The following NSMCE2 variants were observed in gnomAD, a reference collection of about 807,000 sequenced individuals.
NSMCE2 encodes the protein E3 SUMO-protein ligase NSE2.
A neutral mutation model predicts 23.8 loss-of-function variants in NSMCE2; 24 were observed. That is an observed-to-expected ratio of 1.01 (90% CI 0.73 to 1.42). The LOEUF (loss-of-function observed/expected upper bound fraction) is 1.42, where lower values mean the gene tolerates loss of function less well. Among genes scored for constraint, NSMCE2 ranks in the 40% most tolerant of loss-of-function variants. The probability of loss-of-function intolerance (pLI) is 0.00; values close to 1 mark genes in which losing one functional copy is unlikely to be tolerated. For synonymous variants in NSMCE2, 92 were observed against 94.1 expected (o/e 0.98, Z 0.13); for missense variants, 284 against 296.5 (o/e 0.96, Z 0.31).
At chr8:125,272,812 C>A (rs534217437) in intron 5 of NSMCE2, among the ~76,000 whole-genome samples, 2 of 130,326 alleles carry the variant, frequency 1.5e-5, no homozygotes, top group African/African-American at 6.2e-5. Flanking sequence ...TATACACACA[C>A]GTATATATAT....
chr8:125,217,202 G>C (rs1824627444), intron 5 of NSMCE2, among the ~76,000 whole-genome samples: 1 of 152,070 alleles, frequency 6.6e-6, no homozygotes, highest in Admixed American at 6.6e-5. Context: ...GAAAGATCCT[G>C]TCTATTACAT....
chr8:125,344,572 G>A (rs548140961), intron 5 of NSMCE2, among the ~76,000 whole-genome samples: 26 of 151,890 alleles, frequency 1.7e-4, no homozygotes, highest in African/African-American at 5.8e-4. Context: ...GTGAAACCCC[G>A]TCTCTACCAA....
At chr8:125,209,503 A>G (rs193217457) in intron 5 of NSMCE2, among the ~76,000 whole-genome samples, 4 of 152,336 alleles carry the variant, frequency 2.6e-5, no homozygotes, top group Admixed American at 2.6e-4. Context: ...TATTTTATTT[A>G]GTGCTAATTG....
intron 1 of NSMCE2, among the ~76,000 whole-genome samples, chr8:125,096,541 G>GT (rs113915534): frequency 0.016 from 1,433 of 88,946 alleles, 25 homozygotes; most frequent in African/African-American, 0.046. Flanking sequence ...AGTGTTATTT[G>GT]TTTTTTTTTT....
At chr8:125,186,446 C>A (rs1823109383) in intron 5 of NSMCE2, among the ~76,000 whole-genome samples, 1 of 152,076 alleles carries the variant, frequency 6.6e-6, no homozygotes, top group South Asian at 2.1e-4. Context: ...GTCTCAAGTA[C>A]ATTCAGAACA....
At chr8:125,107,017 A>C (rs187847259) in intron 3 of NSMCE2, among the ~76,000 whole-genome samples, 3 of 152,078 alleles carry the variant, frequency 2.0e-5, no homozygotes, top group African/African-American at 7.2e-5. Context: ...AACAAAAAAA[A>C]ACTTTCATTT....
At chr8:125,123,046 A>T (rs542522455) in intron 3 of NSMCE2, among the ~76,000 whole-genome samples, 64 of 152,334 alleles carry the variant, frequency 4.2e-4, no homozygotes, top group African/African-American at 1.5e-3. Flanking sequence ...ATGGGTTAAA[A>T]TTTCATAAAA....
At chr8:125,360,084 G>C (rs1281861098) in intron 7 of NSMCE2, among the ~76,000 whole-genome samples, 1 of 152,178 alleles carries the variant, frequency 6.6e-6, no homozygotes, top group Non-Finnish European at 1.5e-5. Context: ...GAAGCAGCGA[G>C]GGGTGGCTGA....
intron 3 of NSMCE2, among the ~76,000 whole-genome samples, chr8:125,116,340 A>G (rs773347909): frequency 6.6e-6 from 1 of 152,254 alleles, no homozygotes; most frequent in Non-Finnish European, 1.5e-5. Flanking sequence ...CTTCAGTGCA[A>G]TGACAATGAC....
chr8:125,363,129 C>A (rs892098792), intron 7 of NSMCE2: 1 of 152,156 alleles, frequency 6.6e-6, no homozygotes, highest in African/African-American at 2.4e-5. Context: ...TCATGGAAGC[C>A]AAAGTTATGA....
At chr8:125,359,552 C>CA in intron 7 of NSMCE2, among the ~76,000 whole-genome samples, 1 of 151,948 alleles carries the variant, frequency 6.6e-6, no homozygotes, top group Non-Finnish European at 1.5e-5. Flanking sequence ...AGGCTGGTCT[C>CA]AAACTCCCGA....
intron 3 of NSMCE2, among the ~76,000 whole-genome samples, chr8:125,115,431 T>C (rs1818957748): frequency 6.6e-6 from 1 of 152,224 alleles, no homozygotes; most frequent in South Asian, 2.1e-4. Context: ...GATTTATGTC[T>C]TGGAAATATG....
intron 4 of NSMCE2, among the ~76,000 whole-genome samples, chr8:125,171,905 A>G (rs1260739835): frequency 2.0e-5 from 3 of 152,206 alleles, no homozygotes; most frequent in Non-Finnish European, 2.9e-5. Context: ...CCACATGCAG[A>G]GAGAGCTCTT....
chr8:125,096,897 A>G (rs1586415633), intron 1 of NSMCE2, among the ~76,000 whole-genome samples: 1 of 152,098 alleles, frequency 6.6e-6, no homozygotes, highest in Non-Finnish European at 1.5e-5. Flanking sequence ...GGCGGGAGCC[A>G]CCACACCTGG....
intron 3 of NSMCE2, among the ~76,000 whole-genome samples, chr8:125,150,269 T>C (rs1323262130): frequency 6.6e-6 from 1 of 152,172 alleles, no homozygotes; most frequent in Non-Finnish European, 1.5e-5. Flanking sequence ...GTATGTAACT[T>C]TGGCATTCTG....
At chr8:125,242,106 G>C (rs558220107) in intron 5 of NSMCE2, among the ~76,000 whole-genome samples, 77 of 152,048 alleles carry the variant, frequency 5.1e-4, no homozygotes, top group African/African-American at 1.8e-3. Context: ...ACAATAACTG[G>C]GGGGGGAGTT....
intron 5 of NSMCE2, among the ~76,000 whole-genome samples, chr8:125,324,177 A>T (rs1177304589): frequency 6.6e-6 from 1 of 152,114 alleles, no homozygotes. Flanking sequence ...CACGACAAAA[A>T]CTGATCATAC....
chr8:125,161,863 A>G (rs1225785703), intron 4 of NSMCE2, among the ~76,000 whole-genome samples: 1 of 151,590 alleles, frequency 6.6e-6, no homozygotes, highest in Non-Finnish European at 1.5e-5. Flanking sequence ...ATTGATTTCC[A>G]GACATTCTGA....
In NSMCE2 at chr8:125,359,314, C is replaced by CT. The variant is rs1368875609; in HGVS notation, c.626+1499dup. On this transcript the variant is annotated intron_variant, in intron 7 of 7. Coordinates refer to ENST00000287437, the MANE Select transcript of NSMCE2 (RefSeq NM_173685.4). ...GGATTCTGGGTTGTTAAATGGCATG[C>CT]TTTCTTGCTCTTTCTCTTTTTTTTT... 2.8e-5 allele frequency among the ~76,000 whole-genome samples: 4 copies of CT among 141,846 alleles called. No individual in the cohort carries two copies. The East Asian group carries it at 8.2e-4, about 29-fold the overall frequency. The allele number at this position is 141,846 out of a possible 152,430, so 93.1% of individuals were successfully genotyped here.
Sources: allele counts gnomAD v4.1 joint callset (sites outside exome capture counted in the v4.1 genomes callset), GRCh38; gene constraint gnomAD v4.1.1; transcripts MANE v1.5; gene names NCBI Gene and HGNC (gene_info 2026-07-23, HGNC 2026-07-21).